SLC26A7: variants seen among roughly 807,000 people sequenced by gnomAD.
SLC26A7 encodes the protein solute carrier family 26 member 7, also known as anion exchange transporter.
In SLC26A7, 59 loss-of-function variants were observed where a neutral mutation model predicts 82.5. The ratio of observed to expected loss-of-function variants is 0.72; its 90% confidence interval spans 0.58 to 0.89. SLC26A7 has a LOEUF of 0.89. Among genes scored for constraint, SLC26A7 ranks in the 40% least tolerant of loss-of-function variants. SLC26A7 has a pLI of 0.00. For missense variants in SLC26A7, 820 were observed against 793.0 expected, an observed-to-expected ratio of 1.03 and a Z score of -0.41; for synonymous variants, 271 against 274.3, an observed-to-expected ratio of 0.99 and a Z score of 0.12.
At position 91,351,790 on chromosome 8, in the gene SLC26A7, G is replaced by C. The variant is rs766543611; in HGVS notation, c.1141-20G>C. Reference sequence around the variant, plus strand: ...GTTCAAGGCTTTCTTTTTCCTTTTTGTCTGTCTTGTATTTTACAGGTGGCT... The same window carrying C: ...GTTCAAGGCTTTCTTTTTCCTTTTTCTCTGTCTTGTATTTTACAGGTGGCT... On this transcript the variant is annotated intron_variant, in intron 9 of 18. Coordinates refer to ENST00000276609, the MANE Select transcript of SLC26A7 (RefSeq NM_052832.4). 2 of 1,563,284 alleles carry C rather than the reference G, an allele frequency of 1.3e-6. No individual in the cohort carries two copies. Among genetic ancestry groups the C allele is most frequent in the South Asian group, 2.3e-5 (2 of 88,772 alleles).
chr8:91,289,328 T>G (rs1811800836), intron 3 of SLC26A7, 82 bp downstream of exon 3: 3 of 1,078,344 alleles, frequency 2.8e-6, no homozygotes, highest in South Asian at 1.3e-5. Flanking sequence ...TCCTTAGCAG[T>G]GTTAATGTCA....
intron 2 of SLC26A7, among the ~76,000 whole-genome samples, chr8:91,262,206 T>G (rs1269014134): frequency 6.6e-6 from 1 of 152,052 alleles, no homozygotes; most frequent in African/African-American, 2.4e-5. Context: ...TTGAGGAGTT[T>G]AGCTAAGACA....
At chr8:91,338,773 G>A (rs1308847177) in intron 7 of SLC26A7, among the ~76,000 whole-genome samples, 1 of 152,064 alleles carries the variant, frequency 6.6e-6, no homozygotes, top group Non-Finnish European at 1.5e-5. Context: ...CCTAAAATGA[G>A]CAAAAGTTCG....
intron 15 of SLC26A7, among the ~76,000 whole-genome samples, chr8:91,375,941 T>C (rs1288882138): frequency 6.6e-6 from 1 of 152,090 alleles, no homozygotes; most frequent in Non-Finnish European, 1.5e-5. Flanking sequence ...TTTTAAAATA[T>C]CTTTTTCTTT....
At chr8:91,244,452 G>A (rs1810516965), upstream of SLC26A7, among the ~76,000 whole-genome samples, 1 of 144,822 alleles carries the variant, frequency 6.9e-6, no homozygotes, top group African/African-American at 2.5e-5. Context: ...TGTAAAATGT[G>A]TTTGAATATA....
At chr8:91,243,028 A>T (rs1810494865) in intron 2 of SLC26A7, among the ~76,000 whole-genome samples, 1 of 152,196 alleles carries the variant, frequency 6.6e-6, no homozygotes, top group African/African-American at 2.4e-5. Context: ...AGAATATATC[A>T]CTTAAACAGC....
chr8:91,318,358 C>T lies in SLC26A7; in HGVS notation c.620C>T (p.Ser207Phe), dbSNP rs868782173. Residue 207 changes from serine to phenylalanine, a missense_variant, in exon 5 of 19, where the codon TCC (serine) becomes TTC (phenylalanine). Coordinates refer to ENST00000276609, the MANE Select transcript of SLC26A7 (RefSeq NM_052832.4). ...TTGGGAATGAAAATGCCATATATATCCGGACCACTTGGATTCTTTTATGTG... is the reference window on the plus strand; with the variant it reads ...TTGGGAATGAAAATGCCATATATATTCGGACCACTTGGATTCTTTTATGTG... ...YLLGMKMPYI[S>F]GPLGFFYIYA... 1 of 1,607,822 alleles carries T rather than the reference C, an allele frequency of 6.2e-7. No individual in the cohort carries two copies. Among genetic ancestry groups the T allele is most frequent in the Non-Finnish European group, 8.5e-7 (1 of 1,176,834 alleles).
intron 4 of SLC26A7, among the ~76,000 whole-genome samples, chr8:91,307,354 G>T (rs1225903077): frequency 2.2e-5 from 3 of 135,348 alleles, no homozygotes; most frequent in Non-Finnish European, 1.6e-5. Flanking sequence ...GCACACGTAT[G>T]TTTATTGTGG....
chr8:91,334,460 T>C lies in SLC26A7; in HGVS notation c.795+13T>C, dbSNP rs1172281368. ...AGATTTAGTTTTGGTAAGTATAAAATCAACATTTAGCTTTTTGCCATGCAA... is the reference window on the plus strand; with the variant it reads ...AGATTTAGTTTTGGTAAGTATAAAACCAACATTTAGCTTTTTGCCATGCAA... On this transcript the variant is annotated intron_variant, in intron 6 of 18. Coordinates refer to ENST00000276609, the MANE Select transcript of SLC26A7 (RefSeq NM_052832.4). 6.2e-7 allele frequency: 1 copy of C among 1,605,694 alleles called. No individual in the cohort carries two copies. Among genetic ancestry groups the C allele is most frequent in the Non-Finnish European group, 8.5e-7 (1 of 1,176,494 alleles).
chr8:91,364,804 T>A (rs1814145963), intron 13 of SLC26A7, among the ~76,000 whole-genome samples: 1 of 152,196 alleles, frequency 6.6e-6, no homozygotes, highest in Non-Finnish European at 1.5e-5. Flanking sequence ...TGCTAGAAAT[T>A]TCTCCACATG....
rs60112814 is a variant in SLC26A7 at position 91,339,627 on chromosome 8, GATTTATTTATTTATTT to G, written c.879-755_879-740del. On this transcript the variant is annotated intron_variant, in intron 7 of 18. Transcript: ENST00000276609. ...TCCTGTTTTCTTCTACTGCCTGAGG[GATTTATTTATTTATTT>G]ATTTATTTATTTATTTATTTAATTT... is the stretch of plus-strand genomic sequence containing the variant. 3.2e-3 allele frequency among the ~76,000 whole-genome samples: 477 copies of G among 147,060 alleles called. 9 individuals carry two copies. In the East Asian group the frequency reaches 0.083, roughly 26 times the overall value.
chr8:91,218,825 T>G lies in SLC26A7; in HGVS notation c.-149-65T>G, dbSNP rs1050548835. The G allele has an allele frequency of 3.0e-6, 3 of 1,012,980 alleles. No homozygotes were observed. The African/African-American group carries it at 4.9e-5, about 17-fold the overall frequency. The allele number at this position is 1,012,980 out of a possible 1,614,324, so 62.7% of individuals were successfully genotyped here. ...TCTGAAACCTCTGAGAAAGCAAATA[T>G]TTATTTTAATGAAAAATACTTATTG... On this transcript the variant is annotated intron_variant, in intron 1 of 5. Coordinates refer to the SLC26A7 transcript ENST00000522862.
intron 2 of SLC26A7, among the ~76,000 whole-genome samples, chr8:91,239,929 A>G (rs1483128984): frequency 1.3e-5 from 2 of 152,222 alleles, no homozygotes; most frequent in Non-Finnish European, 2.9e-5. Flanking sequence ...GACATATTAA[A>G]AACAACTCAA....
At position 91,377,757 on chromosome 8, in the gene SLC26A7, C is replaced by G. The variant is rs1262047467; in HGVS notation, c.1675+7924C>G. On this transcript the variant is annotated intron_variant, in intron 15 of 18. Coordinates refer to ENST00000276609, the MANE Select transcript of SLC26A7 (RefSeq NM_052832.4). ...GGGTGAGGGGAACAGAGAAGCACCC[C>G]CACCTATGTTTTCCGTGAACTCTGA... 2.6e-5 allele frequency among the ~76,000 whole-genome samples: 4 copies of G among 152,092 alleles called. No individual in the cohort carries two copies. The East Asian group carries it at 7.7e-4, about 29-fold the overall frequency.
intron 18 of SLC26A7, 108 bp downstream of exon 18, chr8:91,394,147 G>C (rs529841084): frequency 2.5e-6 from 4 of 1,595,194 alleles, no homozygotes; most frequent in African/African-American, 1.3e-5. Context: ...TCTAAAATCT[G>C]TTAGCCCCCC....
chr8:91,310,308 C>T (rs1394592179), intron 4 of SLC26A7, among the ~76,000 whole-genome samples: 2 of 151,972 alleles, frequency 1.3e-5, no homozygotes, highest in African/African-American at 2.4e-5. Context: ...TGGGTCTTGG[C>T]CTTTAGCTAG....
chr8:91,256,636 G>T (rs1203833704), intron 2 of SLC26A7, among the ~76,000 whole-genome samples: 1 of 152,060 alleles, frequency 6.6e-6, no homozygotes, highest in Admixed American at 6.6e-5. Flanking sequence ...GAGAGAAACC[G>T]AGTCCTGATG....
At chr8:91,279,015 G>A (rs568508403) in intron 2 of SLC26A7, among the ~76,000 whole-genome samples, 1 of 151,224 alleles carries the variant, frequency 6.6e-6, no homozygotes, top group East Asian at 1.9e-4. Context: ...GTCTTTCTGT[G>A]CCTAGCTTAT....
chr8:91,391,142 C>A (rs999288734), intron 16 of SLC26A7, among the ~76,000 whole-genome samples: 1 of 152,172 alleles, frequency 6.6e-6, no homozygotes, highest in Admixed American at 6.5e-5. Context: ...AAATGTCCAG[C>A]CTTTCAAACT....
Sources: gnomAD v4.1 joint callset for allele counts (sites outside exome capture counted in the v4.1 genomes callset) on GRCh38, gnomAD v4.1.1 for gene constraint, MANE v1.5 for transcripts, NCBI Gene and HGNC (gene_info 2026-07-23, HGNC 2026-07-21) for gene names.